ZNF724: variants seen among roughly 807,000 people sequenced by gnomAD.
The protein encoded by ZNF724 is zinc finger protein 724.
A neutral mutation model predicts 29.3 loss-of-function variants in ZNF724; 14 were observed. That is an observed-to-expected ratio of 0.48 (90% CI 0.32 to 0.75). The LOEUF (loss-of-function observed/expected upper bound fraction) is 0.75. ZNF724 is among the 30% of genes least tolerant of loss of function. The probability of loss-of-function intolerance (pLI) is 0.04; values close to 1 mark genes in which losing one functional copy is unlikely to be tolerated. For missense variants in ZNF724, 557 were observed against 571.2 expected (o/e 0.98, Z 0.25); for synonymous variants, 180 against 193.6 (o/e 0.93, Z 0.58).
At chr19:23,230,797 A>G (rs1225758016) in intron 3 of ZNF724, 1 of 152,336 alleles carries the variant, frequency 6.6e-6, no homozygotes, top group African/African-American at 2.4e-5. Flanking sequence ...TATGTAAGAG[A>G]AAAAATAAAA....
At chr19:23,245,450 A>G (rs1264764093) in intron 1 of ZNF724, among the ~76,000 whole-genome samples, 4 of 152,070 alleles carry the variant, frequency 2.6e-5, no homozygotes, top group Non-Finnish European at 5.9e-5. Flanking sequence ...CATCTCTATT[A>G]AAAATACAAA....
At chr19:23,228,398 G>A (rs529265620) in intron 3 of ZNF724, among the ~76,000 whole-genome samples, 1 of 151,676 alleles carries the variant, frequency 6.6e-6, no homozygotes, top group South Asian at 2.1e-4. Flanking sequence ...AGGTTGCAGT[G>A]AGCCAAGATC....
At chr19:23,249,289 G>A (rs1374159351) in intron 1 of ZNF724, among the ~76,000 whole-genome samples, 1 of 149,406 alleles carries the variant, frequency 6.7e-6, no homozygotes, top group African/African-American at 2.5e-5. Flanking sequence ...TGTCGCCCAG[G>A]CTGGAGTGCA....
chr19:23,229,504 C>T (rs1971897553), intron 3 of ZNF724, among the ~76,000 whole-genome samples: 1 of 152,222 alleles, frequency 6.6e-6, no homozygotes, highest in South Asian at 2.1e-4. Flanking sequence ...CATACTCATT[C>T]ACATCCTGAT....
At position 23,243,954 on chromosome 19, in the gene ZNF724, A is replaced by T. The variant is rs1156859801; in HGVS notation, c.3+6286T>A. Among the ~76,000 whole-genome samples the T allele has an allele frequency of 2.7e-3, 13 of 4,834 alleles. No homozygotes were observed. In the South Asian group the frequency reaches 0.14, roughly 50 times the overall value. 3.2% of individuals were successfully genotyped at this position (4,834 alleles called of 152,430 possible). A position where few individuals can be genotyped will look rare whatever the true frequency, so the allele number is the denominator to read the frequency against. On this transcript the variant is annotated intron_variant, in intron 1 of 3. Coordinates refer to ENST00000418100, the MANE Select transcript of ZNF724 (RefSeq NM_001355404.2). ...AAAAAAAAATTAAATTAAATAAATAAAAAAAAAAAAATACCTGTTTGGTGC... is the reference window on the plus strand; with the variant it reads ...AAAAAAAAATTAAATTAAATAAATATAAAAAAAAAAATACCTGTTTGGTGC...
intron 1 of ZNF724, among the ~76,000 whole-genome samples, chr19:23,243,368 C>T (rs1239532719): frequency 6.9e-6 from 1 of 145,770 alleles, no homozygotes; most frequent in African/African-American, 2.6e-5. Context: ...CCCAGCTATT[C>T]AGGAGGCTGA....
chr19:23,222,951 TAA>T lies in ZNF724; in HGVS notation c.1292_1293del (p.Phe431Ter). 7.3e-7 allele frequency: 1 copy of T among 1,378,584 alleles called. No individual in the cohort carries two copies. Among genetic ancestry groups the T allele is most frequent in the Non-Finnish European group, 1.0e-6 (1 of 966,698 alleles). The allele number at this position is 1,378,584 out of a possible 1,614,324, so 85.4% of individuals were successfully genotyped here. A position where few individuals can be genotyped will look rare whatever the true frequency, so the allele number is the denominator to read the frequency against. ...PYKCEECGKAFNQFSQLTTHK... is the reference protein window; with the variant it reads ...PYKCEECGKAXNQFSQLTTHK... ...TGTGTAGTAAGTTGTGAGAACTGGT[TAA>T]AGGCTTTGCCACATTCTTCACATTT... On this transcript the variant is annotated frameshift_variant, in exon 4 of 4. Transcript: ENST00000418100. LOFTEE classifies it high-confidence loss of function.
Position 23,232,302 on chromosome 19 carries a change from T to TAC in ZNF724, c.4-11_4-10dup, listed in dbSNP as rs534165286. 2.5e-6 allele frequency: 3 copies of TAC among 1,200,546 alleles called. No individual in the cohort carries two copies. The highest frequency in any genetic ancestry group is 2.5e-5 in the South Asian group (2 of 80,554). The allele number at this position is 1,200,546 out of a possible 1,614,324, so 74.4% of individuals were successfully genotyped here. On this transcript the variant is annotated splice_polypyrimidine_tract_variant and intron_variant, in intron 1 of 3. Transcript: ENST00000418100. The stretch of plus-strand genomic sequence containing the variant: ...ATAAATGTCAATGGTCCCTGAAAAG[T>TAC]ACACACACACATATTTACGAAGTGG...
chr19:23,243,107 G>T (rs111330076), intron 1 of ZNF724, among the ~76,000 whole-genome samples: 2,411 of 150,836 alleles, frequency 0.016, 61 homozygotes, highest in African/African-American at 0.055. Flanking sequence ...ATGGAATACT[G>T]TATGACCATA....
At chr19:23,231,534 T>C (rs1971933895) in intron 2 of ZNF724, among the ~76,000 whole-genome samples, 173 bp from the exon 3 acceptor site, 1 of 152,184 alleles carries the variant, frequency 6.6e-6, no homozygotes, top group South Asian at 2.1e-4. Context: ...TTTTACTACT[T>C]AGTAGTACTG....
At chr19:23,243,784 A>T (rs1972183219) in intron 1 of ZNF724, among the ~76,000 whole-genome samples, 1 of 151,668 alleles carries the variant, frequency 6.6e-6, no homozygotes, top group African/African-American at 2.4e-5. Flanking sequence ...TTAGCCGGGC[A>T]TGGTGGCAGG....
Position 23,222,035 on chromosome 19 carries a change from T to C in ZNF724, c.*350A>G. Reference sequence around the variant, plus strand: ...TGAATAAGATGTGAACAGATATTAATGGCTTCTTCACATTCTTTACATTTG... The same window carrying C: ...TGAATAAGATGTGAACAGATATTAACGGCTTCTTCACATTCTTTACATTTG... On this transcript the variant is annotated 3_prime_UTR_variant, in exon 4 of 4. Transcript: ENST00000418100. 1 of 227,820 alleles carries C rather than the reference T, an allele frequency of 4.4e-6. No homozygotes were observed. Among genetic ancestry groups the C allele is most frequent in the South Asian group, 8.3e-5 (1 of 12,034 alleles). The allele number at this position is 227,820 out of a possible 1,614,324, so 14.1% of individuals were successfully genotyped here.
At chr19:23,241,379 C>T (rs959567851) in intron 1 of ZNF724, among the ~76,000 whole-genome samples, 3 of 152,192 alleles carry the variant, frequency 2.0e-5, no homozygotes, top group African/African-American at 7.2e-5. Flanking sequence ...GAAGGGACTT[C>T]TCCCCAGCTC....
intron 1 of ZNF724, chr19:23,236,693 A>G (rs2145784944): frequency 6.6e-6 from 1 of 152,250 alleles, no homozygotes; most frequent in Admixed American, 6.5e-5. Flanking sequence ...CTGCACAGCT[A>G]CTCTCAGCAT....
At chr19:23,248,021 T>C (rs1009755268) in intron 1 of ZNF724, among the ~76,000 whole-genome samples, 2 of 151,984 alleles carry the variant, frequency 1.3e-5, no homozygotes, top group Non-Finnish European at 2.9e-5. Flanking sequence ...AGGAAAAAAC[T>C]AAAGGGTAGC....
chr19:23,227,620 T>C (rs1971861460), intron 3 of ZNF724, among the ~76,000 whole-genome samples: 1 of 143,444 alleles, frequency 7.0e-6, no homozygotes. Flanking sequence ...GAAATAAATA[T>C]ATTTTTGCAG....
At chr19:23,248,742 C>T (rs373877738) in intron 1 of ZNF724, among the ~76,000 whole-genome samples, 1 of 152,060 alleles carries the variant, frequency 6.6e-6, no homozygotes, top group African/African-American at 2.4e-5. Flanking sequence ...TGCCTGTAAT[C>T]CTACCACTTA....
At position 23,222,882 on chromosome 19, in the gene ZNF724, AT is replaced by A; in HGVS notation, c.1362del (p.Glu454AspfsTer17). Reference sequence around the variant, plus strand: ...GAGGACCGCTTAAAAGCTTTGCCACATTCTTTACATTTGTAGGGTTTCTCTC... The same window carrying A: ...GAGGACCGCTTAAAAGCTTTGCCACATCTTTACATTTGTAGGGTTTCTCTC... ...HTGEKPYKCK[E>X]CGKAFKRSSN... On this transcript the variant is annotated frameshift_variant, in exon 4 of 4. Transcript: ENST00000418100. LOFTEE classifies it high-confidence loss of function. 2.1e-6 allele frequency: 3 copies of A among 1,405,736 alleles called. No homozygotes were observed. In the South Asian group the frequency reaches 3.5e-5, roughly 16 times the overall value. The allele number at this position is 1,405,736 out of a possible 1,614,324, so 87.1% of individuals were successfully genotyped here.
chr19:23,241,857 C>T (rs1475417732), intron 1 of ZNF724, among the ~76,000 whole-genome samples: 2 of 152,122 alleles, frequency 1.3e-5, no homozygotes, highest in African/African-American at 2.4e-5. Context: ...CGCTCTTATT[C>T]AACAGAGAAT....
Sources: gnomAD v4.1 joint callset for allele counts (sites outside exome capture counted in the v4.1 genomes callset) on GRCh38, gnomAD v4.1.1 for gene constraint, MANE v1.5 for transcripts, NCBI Gene and HGNC (gene_info 2026-07-23, HGNC 2026-07-21) for gene names.